The following HOGA1 variants were observed in gnomAD, a reference collection of about 807,000 sequenced individuals.
HOGA1 encodes the protein 4-hydroxy-2-oxoglutarate aldolase 1, also known as 4-hydroxy-2-oxoglutarate aldolase, mitochondrial.
A neutral mutation model predicts 34.3 loss-of-function variants in HOGA1; 30 were observed. That is an observed-to-expected ratio of 0.87 (90% CI 0.65 to 1.19). The LOEUF (loss-of-function observed/expected upper bound fraction) is 1.19. Ranked by LOEUF, HOGA1 falls within the 50% of genes most tolerant of loss-of-function variation. The pLI is 0.00. For synonymous variants in HOGA1, 161 were observed against 174.0 expected (o/e 0.93, Z 0.59); for missense variants, 417 against 436.5 (o/e 0.96, Z 0.40).
chr10:97,589,696 G>C, intron 1 of HOGA1: 1 of 575,602 alleles, frequency 1.7e-6, no homozygotes, highest in Non-Finnish European at 3.1e-6. Flanking sequence ...CACCTAGGGA[G>C]GGTGCAGCAG....
At chr10:97,588,011 C>T (rs964863553) in intron 1 of HOGA1, among the ~76,000 whole-genome samples, 1 of 150,988 alleles carries the variant, frequency 6.6e-6, no homozygotes, top group South Asian at 2.1e-4. Flanking sequence ...GGGATTTTGC[C>T]GTGTTGCCCA....
chr10:97,595,094 C>T (rs909292068), intron 1 of HOGA1, among the ~76,000 whole-genome samples: 2 of 152,180 alleles, frequency 1.3e-5, no homozygotes, highest in Non-Finnish European at 2.9e-5. Context: ...TATGTGTCCC[C>T]AGCCCCAAAC....
rs142190542 is a variant in HOGA1 at position 97,595,644 on chromosome 10, G to A, written c.212-3131G>A. Among the ~76,000 whole-genome samples the A allele has an allele frequency of 4.9e-3, 740 of 152,296 alleles. 5 individuals are homozygous for A. The highest frequency in any genetic ancestry group is 0.016 in the African/African-American group (673 of 41,564). On this transcript the variant is annotated intron_variant, in intron 1 of 6. Coordinates refer to ENST00000370646, the MANE Select transcript of HOGA1 (RefSeq NM_138413.4). ...TGGGAGACAGAGGCTGCAGTGAGCCGAGGTCGCACCACTGCACTCCAGCCT... is the reference window on the plus strand; with the variant it reads ...TGGGAGACAGAGGCTGCAGTGAGCCAAGGTCGCACCACTGCACTCCAGCCT...
At chr10:97,607,726 G>C (rs1474051736) in intron 6 of HOGA1, among the ~76,000 whole-genome samples, 2 of 152,058 alleles carry the variant, frequency 1.3e-5, no homozygotes, top group Non-Finnish European at 2.9e-5. Flanking sequence ...GCTTTTAGTT[G>C]TACTTATTGG....
intron 1 of HOGA1, among the ~76,000 whole-genome samples, chr10:97,585,213 G>T (rs1279167249): frequency 6.6e-6 from 1 of 152,220 alleles, no homozygotes; most frequent in Non-Finnish European, 1.5e-5. Flanking sequence ...GATAATGGGC[G>T]TGAAAGTCCT....
chr10:97,599,766 G>A lies in HOGA1; in HGVS notation c.555G>A (p.Thr185=), dbSNP rs762327863. 16 of 1,614,174 alleles carry A rather than the reference G, an allele frequency of 9.9e-6. No homozygotes were observed. The highest frequency in any genetic ancestry group is 3.3e-4 in the Middle Eastern group (2 of 6,062). Residue 185 remains threonine, a synonymous_variant, in exon 4 of 7, where the codon ACG becomes ACA. Coordinates refer to ENST00000370646, the MANE Select transcript of HOGA1 (RefSeq NM_138413.4). ...ACCTGCCTGTGGATGCAGTGGTCAC[G>A]CTTTCCCAGCACCCGAATATTGTGG... ...GLDLPVDAVV[T]LSQHPNIVGM...
In HOGA1 at chr10:97,611,602, G is replaced by A; in HGVS notation, c.927G>A (p.Leu309=). ...CCTGCCGCGCCCCCTTGCAGGAGCT[G>A]AGCCCCGCTGAGGAGGAGGCACTGC... The part of the protein sequence containing the change: ...GGPCRAPLQE[L]SPAEEEALRM... Residue 309 remains leucine (L), a synonymous_variant, in exon 7 of 7, where the codon CTG becomes CTA. Coordinates refer to ENST00000370646, the MANE Select transcript of HOGA1 (RefSeq NM_138413.4). 6.2e-7 allele frequency: 1 copy of A among 1,614,166 alleles called. No homozygotes were observed. The highest frequency in any genetic ancestry group is 8.5e-7 in the Non-Finnish European group (1 of 1,180,052).
At chr10:97,588,087 C>T (rs1291445955) in intron 1 of HOGA1, among the ~76,000 whole-genome samples, 3 of 152,138 alleles carry the variant, frequency 2.0e-5, no homozygotes, top group African/African-American at 7.2e-5. Flanking sequence ...GCTGGGATTA[C>T]AGGCATGAGC....
At chr10:97,587,236 G>A (rs2040977748) in intron 1 of HOGA1, among the ~76,000 whole-genome samples, 1 of 152,186 alleles carries the variant, frequency 6.6e-6, no homozygotes, top group East Asian at 1.9e-4. Flanking sequence ...CACTCAGGCT[G>A]AGGAGGGAAC....
chr10:97,608,366 T>C (rs2041171759), intron 6 of HOGA1, among the ~76,000 whole-genome samples: 1 of 152,046 alleles, frequency 6.6e-6, no homozygotes, highest in Non-Finnish European at 1.5e-5. Context: ...CACCAAAAAA[T>C]ACATGGGGCA....
At chr10:97,595,785 T>C (rs1203031720) in intron 1 of HOGA1, among the ~76,000 whole-genome samples, 1 of 152,250 alleles carries the variant, frequency 6.6e-6, no homozygotes, top group East Asian at 1.9e-4. Flanking sequence ...CTTCAGGGCC[T>C]GTGCATCTGA....
rs1171886966 is a variant in HOGA1 at position 97,611,518 on chromosome 10, G to A, written c.843G>A (p.Arg281=). The change falls in exon 7 of 7, where the codon CGG becomes CGA. Residue 281 remains arginine (R), a synonymous_variant. Coordinates refer to ENST00000370646, the MANE Select transcript of HOGA1 (RefSeq NM_138413.4). ...RLIEPNAAVT[R]RFGIPGLKKI... ...CAGGCCCTGCTTTGCAGGTGACCCG[G>A]CGCTTTGGGATCCCAGGGCTGAAGA... The A allele has an allele frequency of 1.9e-6, 3 of 1,614,240 alleles. No homozygotes were observed. Among genetic ancestry groups the A allele is most frequent in the African/African-American group, 1.3e-5 (1 of 75,074 alleles).
At chr10:97,588,441 C>A (rs2040989642) in intron 1 of HOGA1, among the ~76,000 whole-genome samples, 1 of 152,076 alleles carries the variant, frequency 6.6e-6, no homozygotes, top group Admixed American at 6.5e-5. Flanking sequence ...AATCTCCTGA[C>A]CTCGTGATCG....
At chr10:97,588,111 C>G (rs2040985045) in intron 1 of HOGA1, among the ~76,000 whole-genome samples, 1 of 152,106 alleles carries the variant, frequency 6.6e-6, no homozygotes, top group Non-Finnish European at 1.5e-5. Context: ...CATGCCCGGC[C>G]CCGTGTAGCT....
At chr10:97,588,318 C>T (rs2040988249) in intron 1 of HOGA1, among the ~76,000 whole-genome samples, 1 of 151,670 alleles carries the variant, frequency 6.6e-6, no homozygotes, top group African/African-American at 2.4e-5. Flanking sequence ...CTGCCTCAGC[C>T]TCCTGAGTAG....
rs191550506 is a variant in HOGA1 at position 97,587,201 on chromosome 10, C to A, written c.211+2287C>A. ...TGTGTTTCTCTTGCCCTGTCCTGGC[C>A]CCTGAGGTAGACTTTGCAGCCCAAC... is the stretch of plus-strand genomic sequence containing the variant. On this transcript the variant is annotated intron_variant, in intron 1 of 6. Coordinates refer to ENST00000370646, the MANE Select transcript of HOGA1 (RefSeq NM_138413.4). Among the ~76,000 whole-genome samples the A allele has an allele frequency of 1.5e-4, 23 of 152,244 alleles. No homozygotes were observed. The East Asian group carries it at 4.1e-3, about 27-fold the overall frequency.
At position 97,584,408 on chromosome 10, in the gene HOGA1, G is replaced by A. The variant is rs1361196935; in HGVS notation, c.-296G>A. 2 of 351,112 alleles carry A rather than the reference G, an allele frequency of 5.7e-6. No individual in the cohort carries two copies. Among genetic ancestry groups the A allele is most frequent in the Middle Eastern group, 7.4e-4 (1 of 1,346 alleles). 21.7% of individuals were successfully genotyped at this position (351,112 alleles called of 1,614,324 possible). On this transcript the variant is annotated 5_prime_UTR_variant, in exon 1 of 7. Coordinates refer to ENST00000370646, the MANE Select transcript of HOGA1 (RefSeq NM_138413.4). ...GGGCCCAGATCCCACTGGAGATACC[G>A]AAGGAGATACTCTTTAGTATTGGGA...
In HOGA1 at chr10:97,590,871, A is replaced by G. The variant is rs2041016769; in HGVS notation, c.211+5957A>G. 1.9e-5 allele frequency: 9 copies of G among 467,612 alleles called. No homozygotes were observed. The South Asian group carries it at 2.5e-4, about 13-fold the overall frequency. The allele number at this position is 467,612 out of a possible 1,614,324, so 29.0% of individuals were successfully genotyped here. A position where few individuals can be genotyped will look rare whatever the true frequency, so the allele number is the denominator to read the frequency against. ...CCACCAAGAGAAGACAGATGGGAGC[A>G]GGCAAGAGCCCCACACTGATGTCAT... On this transcript the variant is annotated intron_variant, in intron 1 of 6. Transcript: ENST00000370646.
intron 1 of HOGA1, among the ~76,000 whole-genome samples, chr10:97,594,727 A>G (rs540825013): frequency 1.3e-5 from 2 of 151,922 alleles, no homozygotes; most frequent in South Asian, 4.2e-4. Flanking sequence ...CTGGCCTCAA[A>G]TAGTCCACCC....
Sources: gnomAD v4.1 joint callset for allele counts (sites outside exome capture counted in the v4.1 genomes callset) on GRCh38, gnomAD v4.1.1 for gene constraint, MANE v1.5 for transcripts, NCBI Gene and HGNC (gene_info 2026-07-23, HGNC 2026-07-21) for gene names.